ZNF827: variants seen among roughly 807,000 people sequenced by gnomAD.
ZNF827 encodes zinc finger protein 827.
Under a neutral mutation model 102.4 loss-of-function variants are expected in ZNF827, and 13 were observed. The ratio of observed to expected loss-of-function variants is 0.13; its 90% CI spans 0.08 to 0.20. The LOEUF (loss-of-function observed/expected upper bound fraction) is 0.20, where lower values mean the gene tolerates loss of function less well. ZNF827 is among the 10% of genes least tolerant of loss of function. ZNF827 has a pLI of 1.00. For synonymous variants in ZNF827, 523 were observed against 536.2 expected, an observed-to-expected ratio of 0.98 and a Z score of 0.34; for missense variants, 1,103 against 1,344.4, an observed-to-expected ratio of 0.82 and a Z score of 2.81.
intron 7 of ZNF827, among the ~76,000 whole-genome samples, chr4:145,843,362 G>A (rs1267442020): frequency 6.6e-6 from 1 of 151,998 alleles, no homozygotes; most frequent in Non-Finnish European, 1.5e-5. Context: ...GATCTAATTC[G>A]GATTTCCTCT....
In ZNF827 at chr4:145,867,191, A is replaced by T. The variant is rs935906197; in HGVS notation, c.1981+3054T>A. On this transcript the variant is annotated intron_variant, in intron 5 of 14. Transcript: ENST00000508784. ...TTGCTTTCTTTATGGCAATCAATTT[A>T]CTTGGCCCAGCTGTCAGGCATTCAA... Among the ~76,000 whole-genome samples, 5 of 152,190 alleles carry T rather than the reference A, an allele frequency of 3.3e-5. No homozygotes were observed. The East Asian group carries it at 9.6e-4, about 29-fold the overall frequency.
At chr4:145,893,283 T>C (rs1750745851) in intron 2 of ZNF827, among the ~76,000 whole-genome samples, 1 of 152,230 alleles carries the variant, frequency 6.6e-6, no homozygotes, top group South Asian at 2.1e-4. Flanking sequence ...CCAATTTATA[T>C]TGCTCAGTGC....
chr4:145,875,197 C>T (rs997329433), intron 4 of ZNF827, among the ~76,000 whole-genome samples: 1 of 152,128 alleles, frequency 6.6e-6, no homozygotes. Flanking sequence ...GTTTTAACAA[C>T]GTATACAACT....
chr4:145,807,046 G>A lies in ZNF827; in HGVS notation c.2383+16376C>T, dbSNP rs192388674. ...AATGGAAATGACTGTGATCATAGTC[G>A]TATTTCATACAAGGATTTCACATCT... is the stretch of plus-strand genomic sequence containing the variant. On this transcript the variant is annotated intron_variant, in intron 8 of 14. Coordinates refer to ENST00000508784, the MANE Select transcript of ZNF827 (RefSeq NM_001306215.2). Among the ~76,000 whole-genome samples the A allele has an allele frequency of 4.4e-3, 672 of 152,276 alleles. 13 individuals are homozygous for A. Among genetic ancestry groups the A allele is most frequent in the Non-Finnish European group, 1.4e-3 (92 of 68,018 alleles).
rs766355748 is a variant in ZNF827 at position 145,849,577 on chromosome 4, T to G, written c.1982-16A>C. ...TAGCTTTCCGCTGCAAGTAGGTGAA[T>G]GAAGAGAAACAAAAACACCACCATT... On this transcript the variant is annotated splice_polypyrimidine_tract_variant and intron_variant, in intron 5 of 14. Transcript: ENST00000508784. 6.2e-7 allele frequency: 1 copy of G among 1,612,144 alleles called. No individual in the cohort carries two copies. The highest frequency in any genetic ancestry group is 8.5e-7 in the Non-Finnish European group (1 of 1,178,578).
intron 8 of ZNF827, among the ~76,000 whole-genome samples, chr4:145,780,094 G>A (rs1737750017): frequency 6.6e-6 from 1 of 152,216 alleles, no homozygotes. Context: ...CAGAGGCTGA[G>A]GCACGAGAAT....
At chr4:145,885,627 A>T in intron 4 of ZNF827, 51 bp downstream of exon 4, 1 of 1,474,792 alleles carries the variant, frequency 6.8e-7, no homozygotes. Flanking sequence ...AGAGAGAGAG[A>T]GAGAGAGAGA....
chr4:145,856,682 TACACACACACACACACACAC>T lies in ZNF827; in HGVS notation c.1982-7141_1982-7122del, dbSNP rs58347486. Among the ~76,000 whole-genome samples, 53 of 141,888 alleles carry T rather than the reference TACACACACACACACACACAC, an allele frequency of 3.7e-4. No homozygotes were observed. The South Asian group carries it at 0.011, about 31-fold the overall frequency. 93.1% of individuals were successfully genotyped at this position (141,888 alleles called of 152,430 possible). On this transcript the variant is annotated intron_variant, in intron 5 of 14. Coordinates refer to ENST00000508784, the MANE Select transcript of ZNF827 (RefSeq NM_001306215.2). ...CATACAATGACCTCCAGTACACACA[TACACACACACACACACACAC>T]ACACACACACACACACACACACCCC... is the stretch of plus-strand genomic sequence containing the variant.
At chr4:145,932,904 A>C (rs1216098936) in intron 1 of ZNF827, among the ~76,000 whole-genome samples, 1 of 152,136 alleles carries the variant, frequency 6.6e-6, no homozygotes, top group Non-Finnish European at 1.5e-5. Flanking sequence ...GATTTTCTAC[A>C]TTTCCCTTCG....
At chr4:145,813,306 T>A (rs573415229) in intron 8 of ZNF827, among the ~76,000 whole-genome samples, 36 of 152,304 alleles carry the variant, frequency 2.4e-4, no homozygotes, top group African/African-American at 8.2e-4. Flanking sequence ...TGCAAGAAGA[T>A]CTTTTGAGAG....
chr4:145,860,721 C>T (rs939401319), intron 5 of ZNF827, among the ~76,000 whole-genome samples: 4 of 152,114 alleles, frequency 2.6e-5, no homozygotes, highest in Non-Finnish European at 5.9e-5. Context: ...ATGGGAAAAA[C>T]GCATACATGG....
intron 6 of ZNF827, 68 bp from the exon 7 acceptor site, chr4:145,846,081 T>G: frequency 6.6e-7 from 1 of 1,519,082 alleles, no homozygotes; most frequent in Non-Finnish European, 9.1e-7. Flanking sequence ...CTTTTAGCCT[T>G]AAGCAGAAAA....
intron 5 of ZNF827, among the ~76,000 whole-genome samples, chr4:145,869,913 T>C (rs1412560753): frequency 6.6e-6 from 1 of 152,220 alleles, no homozygotes; most frequent in Non-Finnish European, 1.5e-5. Flanking sequence ...AGAATAGATA[T>C]TTTGATCAAT....
chr4:145,781,540 A>T (rs1738056248), intron 8 of ZNF827, among the ~76,000 whole-genome samples: 1 of 152,254 alleles, frequency 6.6e-6, no homozygotes, highest in Non-Finnish European at 1.5e-5. Context: ...TTGTTAAAAC[A>T]TAGCACTTGG....
In ZNF827 at chr4:145,761,703, G is replaced by A. The variant is rs1734531257; in HGVS notation, c.*18-105C>T. 4 of 726,358 alleles carry A rather than the reference G, an allele frequency of 5.5e-6. No homozygotes were observed. In the Admixed American group the frequency reaches 1.3e-4, roughly 23 times the overall value. 45.0% of individuals were successfully genotyped at this position (726,358 alleles called of 1,614,324 possible). On this transcript the variant is annotated intron_variant, in intron 14 of 14. Transcript: ENST00000508784. This position sits in a 1 kb window ranked among gnomAD's most constrained non-coding sequence, Gnocchi z 6.8. Reference sequence around the variant, plus strand: ...TCCCTCACACCACCCCCCAGTGTCTGAGGCCTGGCCTGCCCAGCCCAGCCC... The same window carrying A: ...TCCCTCACACCACCCCCCAGTGTCTAAGGCCTGGCCTGCCCAGCCCAGCCC...
At chr4:145,776,063 G>A in intron 9 of ZNF827, 103 bp from the exon 10 acceptor site, 3 of 1,336,980 alleles carry the variant, frequency 2.2e-6, no homozygotes, top group South Asian at 1.3e-5. Context: ...AATGGTTCAA[G>A]TCATATTTCA....
chr4:145,937,739 TCCAGCCGCCGCCGCC>T (rs1754320277), intron 1 of ZNF827, among the ~76,000 whole-genome samples: 1 of 127,864 alleles, frequency 7.8e-6, no homozygotes, highest in African/African-American at 2.9e-5. Context: ...CTCCTCCTGC[TCCAGCCGCCGCCGCC>T]GCTGCCGCCG....
intron 7 of ZNF827, among the ~76,000 whole-genome samples, chr4:145,842,188 C>T (rs1396760690): frequency 6.6e-6 from 1 of 152,166 alleles, no homozygotes; most frequent in Non-Finnish European, 1.5e-5. Flanking sequence ...TTAGCTTCAC[C>T]TAAACCCCTT....
chr4:145,817,902 A>G (rs2126453812), intron 8 of ZNF827, among the ~76,000 whole-genome samples: 2 of 152,332 alleles, frequency 1.3e-5, no homozygotes, highest in South Asian at 4.1e-4. Flanking sequence ...ACAGCTTCAT[A>G]AAACCATTTC....
Sources: gnomAD v4.1 joint callset for allele counts (sites outside exome capture counted in the v4.1 genomes callset) on GRCh38, gnomAD v4.1.1 for gene constraint, Gnocchi (gnomAD v3.1) non-coding constraint, MANE v1.5 for transcripts, NCBI Gene and HGNC (gene_info 2026-07-23, HGNC 2026-07-21) for gene names.